The following RSRP1 variants were observed in gnomAD, a reference collection of about 807,000 sequenced individuals.
RSRP1 encodes the protein arginine/serine-rich protein 1.
Under a neutral mutation model 33.0 loss-of-function variants are expected in RSRP1, and 37 were observed. The observed-to-expected ratio is 1.12, with a 90% CI of 0.86 to 1.48. The LOEUF is 1.48. RSRP1 is among the 40% of genes most tolerant of loss of function. The pLI, the probability that RSRP1 is intolerant of heterozygous loss-of-function variation, is 0.00. For synonymous variants in RSRP1, 167 were observed against 158.7 expected, an observed-to-expected ratio of 1.05 and a Z score of -0.40; for missense variants, 402 against 385.3, an observed-to-expected ratio of 1.04 and a Z score of -0.36.
chr1:25,333,145 C>T (rs1462776910), intron 1 of RSRP1, among the ~76,000 whole-genome samples: 2 of 132,154 alleles, frequency 1.5e-5, no homozygotes, highest in Admixed American at 7.3e-5. Flanking sequence ...GCCTTTCTTC[C>T]GTTTTTGTTC....
upstream of RSRP1, among the ~76,000 whole-genome samples, chr1:25,251,678 T>C (rs117234754): frequency 1.2e-3 from 181 of 152,264 alleles, 2 homozygotes; most frequent in East Asian, 0.025. Context: ...TCAAAGTTAA[T>C]ATTTTTGTTA....
Position 25,289,789 on chromosome 1 carries a change from GGCTCATGGTGTA to G in RSRP1, c.-66-42772_-66-42761del, listed in dbSNP as rs1201984954. Among the ~76,000 whole-genome samples, 3 of 127,926 alleles carry G rather than the reference GGCTCATGGTGTA, an allele frequency of 2.3e-5. 1 individual carries two copies. Among genetic ancestry groups the G allele is most frequent in the Non-Finnish European group, 5.5e-5 (3 of 54,764 alleles). 83.9% of individuals were successfully genotyped at this position (127,926 alleles called of 152,430 possible). A position where few individuals can be genotyped will look rare whatever the true frequency, so the allele number is the denominator to read the frequency against. On this transcript the variant is annotated intron_variant, in intron 1 of 1. Transcript: ENST00000561867. ...ATATCACAGATATTCTTAGTTGACA[GGCTCATGGTGTA>G]GCCTGTCTAGATCATAAGTACATTT...
intron 1 of RSRP1, among the ~76,000 whole-genome samples, chr1:25,334,170 C>G (rs1412570365): frequency 7.6e-6 from 1 of 132,148 alleles, no homozygotes. Context: ...TAATTACTTC[C>G]TAGATACAAT....
upstream of RSRP1, among the ~76,000 whole-genome samples, chr1:25,251,539 TTGTATTTTTAG>T (rs916149278): frequency 1.3e-5 from 2 of 152,034 alleles, no homozygotes; most frequent in African/African-American, 4.8e-5. Flanking sequence ...CTGGCTTATT[TTGTATTTTTAG>T]TAGAGACGGG....
At chr1:25,243,881 A>C (rs756351086) in intron 3 of RSRP1, 155 of 1,223,346 alleles carry the variant, frequency 1.3e-4, no homozygotes, top group Admixed American at 1.0e-3. Context: ...TTTTTTAATC[A>C]GTTTTCTCAG....
rs1386133960 is a variant in RSRP1 at position 25,271,042 on chromosome 1, G to A, written c.-66-24013C>T. 3.8e-5 allele frequency among the ~76,000 whole-genome samples: 5 copies of A among 130,404 alleles called. 1 individual carries two copies. Among genetic ancestry groups the A allele is most frequent in the African/African-American group, 7.8e-5 (3 of 38,244 alleles). The allele number at this position is 130,404 out of a possible 152,430, so 85.6% of individuals were successfully genotyped here. A position where few individuals can be genotyped will look rare whatever the true frequency, so the allele number is the denominator to read the frequency against. On this transcript the variant is annotated intron_variant, in intron 1 of 1. Coordinates refer to the RSRP1 transcript ENST00000561867. Reference sequence around the variant, plus strand: ...CCTCTGTGTCAGTTTTGATAAAAGCGTTTTCCTCTTGCTTTTCCTGCATAT... The same window carrying A: ...CCTCTGTGTCAGTTTTGATAAAAGCATTTTCCTCTTGCTTTTCCTGCATAT...
Position 25,242,445 on chromosome 1 carries a change from A to C in RSRP1, c.*144T>G. 1.7e-6 allele frequency: 1 copy of C among 573,012 alleles called. No homozygotes were observed. Among genetic ancestry groups the C allele is most frequent in the South Asian group, 2.5e-5 (1 of 39,576 alleles). 35.5% of individuals were successfully genotyped at this position (573,012 alleles called of 1,614,324 possible). ...GAGAAACCTAAAATGTTAATATTTG[A>C]GTGTTAAGTATTTACATCTTTTTGT... On this transcript the variant is annotated 3_prime_UTR_variant, in exon 5 of 5. Coordinates refer to ENST00000243189, the MANE Select transcript of RSRP1 (RefSeq NM_020317.5).
intron 1 of RSRP1, chr1:25,321,833 G>A: frequency 1.2e-6 from 1 of 855,074 alleles, no homozygotes; most frequent in Non-Finnish European, 1.9e-6. Context: ...GATTAATCTT[G>A]AGATTAAAAA....
chr1:25,270,263 T>C (rs1640451814), intron 1 of RSRP1, among the ~76,000 whole-genome samples: 2 of 130,130 alleles, frequency 1.5e-5, no homozygotes, highest in African/African-American at 5.3e-5. Context: ...GAAGCCCATG[T>C]TCCTAGACTT....
At chr1:25,252,048 G>A (rs550814769), upstream of RSRP1, among the ~76,000 whole-genome samples, 12 of 150,590 alleles carry the variant, frequency 8.0e-5, no homozygotes, top group Non-Finnish European at 1.2e-4. Flanking sequence ...ACGCCACCAC[G>A]CCTGGCTAAT....
intron 3 of RSRP1, chr1:25,244,746 G>GCCA: frequency 9.0e-7 from 1 of 1,114,722 alleles, no homozygotes; most frequent in Non-Finnish European, 1.1e-6. Context: ...GTGCAATGGT[G>GCCA]CCATCTTGGC....
Position 25,291,626 on chromosome 1 carries a change from A to G in RSRP1, c.-66-44597T>C, listed in dbSNP as rs34942019. ...CCTGTAGGATTGTGCTATTCATGATATAATTATGGTTATATAAAAGTAATT... is the reference window on the plus strand; with the variant it reads ...CCTGTAGGATTGTGCTATTCATGATGTAATTATGGTTATATAAAAGTAATT... On this transcript the variant is annotated intron_variant, in intron 1 of 1. Transcript: ENST00000561867. Among the ~76,000 whole-genome samples, 14 of 132,908 alleles carry G rather than the reference A, an allele frequency of 1.1e-4. 3 individuals carry two copies. Among genetic ancestry groups the G allele is most frequent in the Middle Eastern group, 4.1e-3 (1 of 246 alleles). The allele number at this position is 132,908 out of a possible 152,430, so 87.2% of individuals were successfully genotyped here. A position where few individuals can be genotyped will look rare whatever the true frequency, so the allele number is the denominator to read the frequency against.
In RSRP1 at chr1:25,315,621, T is replaced by C. The variant is rs578017579; in HGVS notation, c.-67+22357A>G. ...ACGCCGTTCTCCTGCCTCAGCCTCC[T>C]GAGTAGCTGGGACTACAGGCGCCTG... On this transcript the variant is annotated intron_variant, in intron 1 of 1. Transcript: ENST00000561867. Among the ~76,000 whole-genome samples the C allele has an allele frequency of 4.3e-3, 543 of 126,124 alleles. 75 individuals are homozygous for C. The highest frequency in any genetic ancestry group is 0.014 in the African/African-American group (517 of 36,578). 82.7% of individuals were successfully genotyped at this position (126,124 alleles called of 152,430 possible).
intron 1 of RSRP1, among the ~76,000 whole-genome samples, chr1:25,285,073 C>T (rs190018716): frequency 9.7e-5 from 13 of 133,486 alleles, no homozygotes; most frequent in Non-Finnish European, 2.3e-4. Context: ...TTATGGAAAA[C>T]GTAAGAAGGA....
intron 1 of RSRP1, among the ~76,000 whole-genome samples, chr1:25,277,497 G>A (rs1220272095): frequency 4.5e-5 from 6 of 133,152 alleles, no homozygotes; most frequent in African/African-American, 7.7e-5. Context: ...ATGAAAGTTC[G>A]AGAATTCCTG....
rs1132758 is a variant in RSRP1, at chr1:25,284,574, T to C, written c.-66-37545A>G. Reference sequence around the variant, plus strand: ...TCTCGCCATCTCCCCACCGAGCAGTTGGCCAAGATCTGACCGTGATGGCGG... The same window carrying C: ...TCTCGCCATCTCCCCACCGAGCAGTCGGCCAAGATCTGACCGTGATGGCGG... On this transcript the variant is annotated intron_variant, in intron 1 of 1. Transcript: ENST00000561867. The C allele has an allele frequency of 2.4e-4, 329 of 1,388,606 alleles. 49 individuals are homozygous for C. Among genetic ancestry groups the C allele is most frequent in the Admixed American group, 1.2e-3 (69 of 56,732 alleles). 86.0% of individuals were successfully genotyped at this position (1,388,606 alleles called of 1,614,324 possible). A position where few individuals can be genotyped will look rare whatever the true frequency, so the allele number is the denominator to read the frequency against.
rs1383534806 is a variant in RSRP1 at position 25,330,666 on chromosome 1, T to C, written c.-67+7312A>G. 2.3e-5 allele frequency among the ~76,000 whole-genome samples: 3 copies of C among 132,148 alleles called. 1 individual carries two copies. The highest frequency in any genetic ancestry group is 5.4e-5 in the Non-Finnish European group (3 of 55,832). 86.7% of individuals were successfully genotyped at this position (132,148 alleles called of 152,430 possible). A position where few individuals can be genotyped will look rare whatever the true frequency, so the allele number is the denominator to read the frequency against. ...ACACAGGGGAAGGAGGCTGTGTGTA[T>C]ATCCTCATTGTCTTTCACATTCTAA... On this transcript the variant is annotated intron_variant, in intron 1 of 1. Coordinates refer to the RSRP1 transcript ENST00000561867.
intron 1 of RSRP1, among the ~76,000 whole-genome samples, chr1:25,263,364 A>G (rs1487560004): frequency 6.6e-6 from 1 of 151,854 alleles, no homozygotes; most frequent in Non-Finnish European, 1.5e-5. Flanking sequence ...CAAAAGAAAG[A>G]GAGGTTTAAT....
At chr1:25,262,633 C>T (rs373549087) in intron 1 of RSRP1, among the ~76,000 whole-genome samples, 157 of 152,184 alleles carry the variant, frequency 1.0e-3, no homozygotes, top group Middle Eastern at 3.4e-3. Context: ...AGTCCCAAAG[C>T]CTCAGAATCA....
Sources: gnomAD v4.1 joint callset for allele counts (sites outside exome capture counted in the v4.1 genomes callset) on GRCh38, gnomAD v4.1.1 for gene constraint, MANE v1.5 for transcripts, NCBI Gene and HGNC (gene_info 2026-07-23, HGNC 2026-07-21) for gene names.